Variants in ERC1 observed in about 807,000 individuals in gnomAD.
ERC1 encodes the protein ELKS/RAB6-interacting/CAST family member 1, also known as RAB6 interacting protein 2.
In ERC1, 56 loss-of-function variants were observed where a neutral mutation model predicts 132.0. That is an observed-to-expected ratio of 0.42 (90% confidence interval 0.34 to 0.53). ERC1 has a LOEUF of 0.53. Ranked by LOEUF, ERC1 falls within the 20% of genes least tolerant of loss-of-function variation. The pLI is 0.03. For synonymous variants in ERC1, 478 were observed against 476.1 expected (o/e 1.00, Z -0.05); for missense variants, 1,202 against 1,349.9 (o/e 0.89, Z 1.72).
intron 18 of ERC1, among the ~76,000 whole-genome samples, chr12:1,489,077 C>T (rs1380605155): frequency 1.3e-5 from 2 of 152,228 alleles, no homozygotes; most frequent in Non-Finnish European, 2.9e-5. Flanking sequence ...CCTCACTTCA[C>T]GTGCTCAGTC....
At chr12:1,180,707 C>T (rs1460435874) in intron 9 of ERC1, 30 bp downstream of exon 9, 7 of 1,612,426 alleles carry the variant, frequency 4.3e-6, no homozygotes, top group Admixed American at 1.7e-5. Context: ...TCTCCACACA[C>T]GTTTTCTGCT....
At chr12:1,108,672 A>G (rs1945517932) in intron 4 of ERC1, among the ~76,000 whole-genome samples, 1 of 152,214 alleles carries the variant, frequency 6.6e-6, no homozygotes, top group Admixed American at 6.5e-5. Flanking sequence ...GTCATTCCAC[A>G]TGAGTAAATA....
At chr12:1,010,871 G>A (rs1964575810) in intron 1 of ERC1, among the ~76,000 whole-genome samples, 2 of 152,034 alleles carry the variant, frequency 1.3e-5, no homozygotes. Flanking sequence ...TTCTGGCAGT[G>A]TGCCATTCCA....
At position 1,491,994 on chromosome 12, in the gene ERC1, G is replaced by T. The variant is rs1048504696; in HGVS notation, c.*1764G>T. ...TCCCCACTTACTCAGAGAATTTAAA[G>T]TCTGTAGAGTCAGCACAGCCCCATC... On this transcript the variant is annotated 3_prime_UTR_variant, in exon 19 of 19. Transcript: ENST00000360905. 4.3e-6 allele frequency: 1 copy of T among 232,672 alleles called. No homozygotes were observed. The highest frequency in any genetic ancestry group is 5.6e-5 in the Admixed American group (1 of 17,760). The allele number at this position is 232,672 out of a possible 1,614,324, so 14.4% of individuals were successfully genotyped here. A position where few individuals can be genotyped will look rare whatever the true frequency, so the allele number is the denominator to read the frequency against.
rs2094315219 is a variant in ERC1 at position 1,491,170 on chromosome 12, C to G, written c.*940C>G. On this transcript the variant is annotated 3_prime_UTR_variant, in exon 19 of 19. Coordinates refer to ENST00000360905, the MANE Select transcript of ERC1 (RefSeq NM_178040.4). Reference sequence around the variant, plus strand: ...GCCCCAGTAACAGATGCCCGTTGCTCTTGGGCTGGTTTCCCCTGAACACCT... The same window carrying G: ...GCCCCAGTAACAGATGCCCGTTGCTGTTGGGCTGGTTTCCCCTGAACACCT... The G allele has an allele frequency of 4.3e-6, 1 of 231,978 alleles. No individual in the cohort carries two copies. Among genetic ancestry groups the G allele is most frequent in the Non-Finnish European group, 8.5e-6 (1 of 117,296 alleles). The allele number at this position is 231,978 out of a possible 1,614,324, so 14.4% of individuals were successfully genotyped here.
At chr12:1,418,616 T>G (rs1230055255) in intron 17 of ERC1, among the ~76,000 whole-genome samples, 1 of 118,392 alleles carries the variant, frequency 8.4e-6, no homozygotes, top group Non-Finnish European at 1.6e-5. Flanking sequence ...TCTTTCTTTC[T>G]TTCTTTCTTT....
chr12:1,031,306 T>C (rs898764297), intron 2 of ERC1, among the ~76,000 whole-genome samples: 2 of 152,242 alleles, frequency 1.3e-5, no homozygotes, highest in East Asian at 3.8e-4. Context: ...AATATCTCTA[T>C]GCATATACAC....
At chr12:1,218,831 T>TACAC (rs1446898550) in intron 12 of ERC1, among the ~76,000 whole-genome samples, 2 of 137,238 alleles carry the variant, frequency 1.5e-5, no homozygotes, top group South Asian at 4.7e-4. Context: ...TATATATATA[T>TACAC]ATACACACAC....
intron 15 of ERC1, among the ~76,000 whole-genome samples, chr12:1,360,979 C>T (rs567196851): frequency 1.3e-5 from 2 of 151,570 alleles, no homozygotes; most frequent in South Asian, 2.1e-4. Flanking sequence ...TATGTAGTCC[C>T]AGCTACTTGG....
intron 1 of ERC1, chr12:991,691 G>C (rs78716018): frequency 0.056 from 8,585 of 152,168 alleles, 377 homozygotes; most frequent in Admixed American, 0.15. Flanking sequence ...GGGAGCGGAG[G>C]GGGGGAGGCT....
chr12:1,035,946 A>AT (rs11456325), intron 2 of ERC1, among the ~76,000 whole-genome samples: 17,681 of 149,740 alleles, frequency 0.12, 1,502 homozygotes, highest in African/African-American at 0.24. Flanking sequence ...ACTTTGGATG[A>AT]TTTTTTTTTT....
chr12:1,042,342 T>TG (rs1455370145), intron 2 of ERC1, among the ~76,000 whole-genome samples: 25 of 144,122 alleles, frequency 1.7e-4, no homozygotes, highest in African/African-American at 5.8e-4. Context: ...CGGCCTGTTT[T>TG]TTTTTTTTTT....
chr12:1,072,881 TG>T (rs1001003221), intron 2 of ERC1, among the ~76,000 whole-genome samples: 35 of 152,252 alleles, frequency 2.3e-4, no homozygotes, highest in Middle Eastern at 3.4e-3. Context: ...TTAGTAGAGA[TG>T]GGGTTTTACC....
At chr12:1,445,563 C>T (rs1395409535) in intron 18 of ERC1, among the ~76,000 whole-genome samples, 1 of 151,784 alleles carries the variant, frequency 6.6e-6, no homozygotes, top group Non-Finnish European at 1.5e-5. Flanking sequence ...AGGTAATCCT[C>T]CTGTCTAGTT....
intron 17 of ERC1, among the ~76,000 whole-genome samples, chr12:1,440,380 G>A (rs1162118423): frequency 7.4e-5 from 11 of 149,134 alleles, no homozygotes; most frequent in South Asian, 2.1e-4. Context: ...AATTTTTTTT[G>A]TATTTTTAGT....
At chr12:1,102,022 A>T (rs888287306) in intron 3 of ERC1, among the ~76,000 whole-genome samples, 1 of 152,206 alleles carries the variant, frequency 6.6e-6, no homozygotes, top group Non-Finnish European at 1.5e-5. Flanking sequence ...AAGGACAGGA[A>T]TTTAGAAAAT....
chr12:1,102,755 G>A (rs1944814442), intron 3 of ERC1, among the ~76,000 whole-genome samples: 1 of 152,174 alleles, frequency 6.6e-6, no homozygotes, highest in South Asian at 2.1e-4. Context: ...CATAAAATAT[G>A]TTAGAGGGTA....
chr12:1,075,576 T>C (rs1161741074), intron 2 of ERC1, among the ~76,000 whole-genome samples: 1 of 152,006 alleles, frequency 6.6e-6, no homozygotes, highest in East Asian at 1.9e-4. Context: ...CTGTAATCCC[T>C]GCTACTCTGG....
At chr12:1,134,550 C>T (rs1171849927) in intron 7 of ERC1, among the ~76,000 whole-genome samples, 2 of 151,758 alleles carry the variant, frequency 1.3e-5, no homozygotes, top group African/African-American at 4.8e-5. Flanking sequence ...TAGTGTCTTG[C>T]TATGTTGCCC....
Sources: allele counts gnomAD v4.1 joint callset (sites outside exome capture counted in the v4.1 genomes callset), GRCh38; gene constraint gnomAD v4.1.1; transcripts MANE v1.5; gene names NCBI Gene and HGNC (gene_info 2026-07-23, HGNC 2026-07-21).